Variants in GCG observed in about 807,000 individuals in gnomAD.
The protein encoded by GCG is pro-glucagon.
In GCG, 11 loss-of-function variants were observed where a neutral mutation model predicts 22.8. That is an observed-to-expected ratio of 0.48 (90% CI 0.30 to 0.80). The LOEUF is 0.80. Among genes scored for constraint, GCG ranks in the 30% least tolerant of loss-of-function variants. The pLI is 0.06. For missense variants in GCG, 222 were observed against 222.0 expected (o/e 1.00, Z 0.00); for synonymous variants, 89 against 72.4 (o/e 1.23, Z -1.16).
chr2:162,150,326 G>A (rs1020034469), intron 1 of GCG, among the ~76,000 whole-genome samples: 12 of 152,034 alleles, frequency 7.9e-5, no homozygotes, highest in African/African-American at 2.7e-4. Context: ...CATTTGGTTT[G>A]GAATAAGGAT....
At position 162,143,022 on chromosome 2, in the gene GCG, G is replaced by A. The variant is rs1454296235; in HGVS notation, c.*342C>T. 5.3e-6 allele frequency: 1 copy of A among 187,106 alleles called. No individual in the cohort carries two copies. Among genetic ancestry groups the A allele is most frequent in the East Asian group, 1.3e-4 (1 of 7,820 alleles). 11.6% of individuals were successfully genotyped at this position (187,106 alleles called of 1,614,324 possible). On this transcript the variant is annotated 3_prime_UTR_variant, in exon 6 of 6. Coordinates refer to ENST00000418842, the MANE Select transcript of GCG (RefSeq NM_002054.5). ...TCTTCTATTCTCCTATTATTATAAT[G>A]CAGATATGTCAGATCGGAATAATTT...
Position 162,150,862 on chromosome 2 carries a change from G to T in GCG, c.-10+1296C>A, listed in dbSNP as rs534068781. On this transcript the variant is annotated intron_variant, in intron 1 of 5. Coordinates refer to ENST00000418842, the MANE Select transcript of GCG (RefSeq NM_002054.5). ...GAGCAGGAGGTATCCTGCCACTTCAGGAGCTGATGGAAGAAAGAACAACCA... is the reference window on the plus strand; with the variant it reads ...GAGCAGGAGGTATCCTGCCACTTCATGAGCTGATGGAAGAAAGAACAACCA... 2.0e-5 allele frequency among the ~76,000 whole-genome samples: 3 copies of T among 152,170 alleles called. No homozygotes were observed. The East Asian group carries it at 5.8e-4, about 29-fold the overall frequency.
At chr2:162,143,831 A>C (rs1051574477) in intron 5 of GCG, 196 bp downstream of exon 5, 3 of 595,506 alleles carry the variant, frequency 5.0e-6, no homozygotes, top group Non-Finnish European at 5.9e-6. Context: ...GGAATAAATG[A>C]ATAAATAGAT....
At chr2:162,150,884 A>G (rs1686817975) in intron 1 of GCG, among the ~76,000 whole-genome samples, 1 of 152,066 alleles carries the variant, frequency 6.6e-6, no homozygotes, top group African/African-American at 2.4e-5. Flanking sequence ...AGAAAGAACA[A>G]CCATAAACCA....
At chr2:162,145,222 T>A in intron 4 of GCG, 1 of 209,390 alleles carries the variant, frequency 4.8e-6, no homozygotes, top group Non-Finnish European at 9.4e-6. Context: ...AGTCCTAGTT[T>A]AAATTTGTCT....
At chr2:162,149,049 C>T in intron 2 of GCG, 38 bp downstream of exon 2, 2 of 1,208,412 alleles carry the variant, frequency 1.7e-6, no homozygotes, top group Non-Finnish European at 2.5e-6. Flanking sequence ...TTATTCCAAC[C>T]ATATTGATAT....
chr2:162,146,194 T>C (rs981315194), intron 3 of GCG, among the ~76,000 whole-genome samples: 2 of 152,140 alleles, frequency 1.3e-5, no homozygotes, highest in Non-Finnish European at 2.9e-5. Flanking sequence ...CATATCAACA[T>C]CAAGTGTGTG....
In GCG at chr2:162,146,538, T is replaced by TTCTCTC. The variant is rs59717414; in HGVS notation, c.254+809_254+814dup. On this transcript the variant is annotated intron_variant, in intron 3 of 5. Transcript: ENST00000418842. ...TTCTCCTATTCCTCCTGCTTGCTTG[T>TTCTCTC]TCTCTCTCTCTCTCTCTCTCTCTCT... 8.2e-3 allele frequency among the ~76,000 whole-genome samples: 1,099 copies of TTCTCTC among 133,482 alleles called. 14 individuals are homozygous for TTCTCTC. Among genetic ancestry groups the TTCTCTC allele is most frequent in the East Asian group, 0.058 (255 of 4,422 alleles). The allele number at this position is 133,482 out of a possible 152,430, so 87.6% of individuals were successfully genotyped here.
rs552484628 is a variant in GCG, at chr2:162,148,934, A to G, written c.92+153T>C. Among the ~76,000 whole-genome samples, 4 of 152,290 alleles carry G rather than the reference A, an allele frequency of 2.6e-5. No individual in the cohort carries two copies. In the South Asian group the frequency reaches 8.3e-4, roughly 32 times the overall value. On this transcript the variant is annotated intron_variant, in intron 2 of 5. Transcript: ENST00000418842. ...CACAAACTCTGATCTACACTCCAAC[A>G]AAGTCTGCTTTTATCACAAGGATAC...
chr2:162,144,175 G>C lies in GCG; in HGVS notation c.393-5C>G. 1 of 1,605,420 alleles carries C rather than the reference G, an allele frequency of 6.2e-7. No individual in the cohort carries two copies. Among genetic ancestry groups the C allele is most frequent in the Non-Finnish European group, 8.5e-7 (1 of 1,172,446 alleles). Reference sequence around the variant, plus strand: ...ATGGCGACCTCTTCTGGGAAACTAAGAAAATAAGTGTTAAAATTAGCGTTT... The same window carrying C: ...ATGGCGACCTCTTCTGGGAAACTAACAAAATAAGTGTTAAAATTAGCGTTT... On this transcript the variant is annotated splice_polypyrimidine_tract_variant and splice_region_variant and intron_variant, in intron 4 of 5. Transcript: ENST00000418842.
At chr2:162,147,622 C>A (rs1345662616) in intron 2 of GCG, 108 bp from the exon 3 acceptor site, 1 of 938,148 alleles carries the variant, frequency 1.1e-6, no homozygotes, top group Non-Finnish European at 1.8e-6. Flanking sequence ...GTAAGGCAGG[C>A]ATCTAGAGTA....
chr2:162,148,309 T>G (rs1686746162), intron 2 of GCG, among the ~76,000 whole-genome samples: 2 of 152,072 alleles, frequency 1.3e-5, no homozygotes, highest in African/African-American at 4.8e-5. Flanking sequence ...TAGAAACCTA[T>G]GTGCAAAAAA....
At chr2:162,148,704 G>C (rs528821643) in intron 2 of GCG, among the ~76,000 whole-genome samples, 8 of 152,166 alleles carry the variant, frequency 5.3e-5, no homozygotes, top group African/African-American at 1.9e-4. Flanking sequence ...TCATGAACAT[G>C]TATGGCTTTT....
At chr2:162,146,982 C>T (rs1576113388) in intron 3 of GCG, among the ~76,000 whole-genome samples, 1 of 152,200 alleles carries the variant, frequency 6.6e-6, no homozygotes, top group East Asian at 1.9e-4. Context: ...TGGGTTTGAA[C>T]CCCACGAAAG....
In GCG at chr2:162,147,473, T is replaced by A. The variant is rs771982887; in HGVS notation, c.134A>T (p.Asp45Val). 2 of 1,613,270 alleles carry A rather than the reference T, an allele frequency of 1.2e-6. No individual in the cohort carries two copies. The highest frequency in any genetic ancestry group is 2.2e-5 in the East Asian group (1 of 44,858). ...ATGGCGCTTGTCCTCGTTCATCTGATCAGGATCACTGAGTGGGTCTGCCTG... is the reference window on the plus strand; with the variant it reads ...ATGGCGCTTGTCCTCGTTCATCTGAACAGGATCACTGAGTGGGTCTGCCTG... Reference protein sequence around the residue: ...ASQADPLSDPDQMNEDKRHSQ... With the variant: ...ASQADPLSDPVQMNEDKRHSQ... The change falls in exon 3 of 6, where the codon GAT (aspartate) becomes GTT (valine). Residue 45 changes from aspartate (D) to valine (V), a missense_variant. Coordinates refer to ENST00000418842, the MANE Select transcript of GCG (RefSeq NM_002054.5).
At chr2:162,146,668 A>G (rs1343146969) in intron 3 of GCG, among the ~76,000 whole-genome samples, 1 of 151,698 alleles carries the variant, frequency 6.6e-6, no homozygotes, top group Admixed American at 6.6e-5. Context: ...CTTTCTATGC[A>G]TAACTCCCTT....
intron 2 of GCG, 116 bp from the exon 3 acceptor site, chr2:162,147,630 G>C (rs771499413): frequency 3.4e-6 from 3 of 887,052 alleles, no homozygotes. Flanking sequence ...GGCATCTAGA[G>C]TATTTCAATA....
intron 1 of GCG, 107 bp downstream of exon 1, chr2:162,152,051 A>G (rs1686853468): frequency 6.6e-6 from 1 of 152,356 alleles, no homozygotes; most frequent in African/African-American, 2.4e-5. Context: ...TACTATTAGT[A>G]ATAAAGTCTA....
intron 2 of GCG, 27 bp downstream of exon 2, chr2:162,149,060 G>A (rs777959774): frequency 1.5e-6 from 2 of 1,345,252 alleles, no homozygotes; most frequent in Admixed American, 1.7e-5. Context: ...ATATTGATAT[G>A]TTAGTTCGAG....
Sources: gnomAD v4.1 joint callset for allele counts (sites outside exome capture counted in the v4.1 genomes callset) on GRCh38, gnomAD v4.1.1 for gene constraint, MANE v1.5 for transcripts, NCBI Gene and HGNC (gene_info 2026-07-23, HGNC 2026-07-21) for gene names.